The following FOXRED1 variants were observed in gnomAD, a reference collection of about 807,000 sequenced individuals.
FOXRED1 encodes the protein FAD-dependent oxidoreductase domain-containing protein 1.
A neutral mutation model predicts 57.8 loss-of-function variants in FOXRED1; 52 were observed. The observed-to-expected ratio is 0.90, with a 90% CI of 0.72 to 1.13. The LOEUF is 1.13. Ranked by LOEUF, FOXRED1 falls within the 50% of genes most tolerant of loss-of-function variation. The probability of loss-of-function intolerance (pLI) is 0.00; values close to 1 mark genes in which losing one functional copy is unlikely to be tolerated. For missense variants in FOXRED1, 589 were observed against 625.2 expected (o/e 0.94, Z 0.62); for synonymous variants, 271 against 248.3 (o/e 1.09, Z -0.86).
chr11:126,277,453 G>A lies in FOXRED1; in HGVS notation c.1225G>A (p.Gly409Ser), dbSNP rs1036245067. ...CCCGCAGGTTCAGAGCGCCTGGGCCGGCTATTACGACTACAACACCTTTGA... is the reference window on the plus strand; with the variant it reads ...CCCGCAGGTTCAGAGCGCCTGGGCCAGCTATTACGACTACAACACCTTTGA... Reference protein sequence around the residue: ...ETLKVQSAWAGYYDYNTFDQN... With the variant: ...ETLKVQSAWASYYDYNTFDQN... Residue 409 changes from glycine (G) to serine (S), a missense_variant, in exon 11 of 11, where the codon GGC becomes AGC. Physicochemically the swap from Gly to Ser is moderately conservative, Grantham distance 56 (BLOSUM62 0). Coordinates refer to ENST00000263578, the MANE Select transcript of FOXRED1 (RefSeq NM_017547.4). The surrounding 1 kb of genome is among the most constrained non-coding windows in gnomAD (Gnocchi z 6.8). The A allele has an allele frequency of 2.2e-5, 35 of 1,613,048 alleles. No homozygotes were observed. The highest frequency in any genetic ancestry group is 5.3e-5 in the African/African-American group (4 of 74,920).
chr11:126,271,535 G>A lies in FOXRED1; in HGVS notation c.184G>A (p.Glu62Lys), dbSNP rs756464859. 16 of 1,614,082 alleles carry A rather than the reference G, an allele frequency of 9.9e-6. No homozygotes were observed. The highest frequency in any genetic ancestry group is 4.5e-5 in the East Asian group (2 of 44,900). The change falls in exon 2 of 11, where the codon GAG (glutamate) becomes AAG (lysine). Residue 62 changes from glutamate (E) to lysine (K), a missense_variant. Physicochemically the swap from Glu to Lys is moderately conservative, Grantham distance 56 (BLOSUM62 1). Transcript: ENST00000263578. The surrounding 1 kb of genome is among the most constrained non-coding windows in gnomAD (Gnocchi z 5.3). Reference sequence around the variant, plus strand: ...GCAAGACACCAGCCACCTGCCTCCCGAGCACTCGGATGTGGTGATCGTGGG... The same window carrying A: ...GCAAGACACCAGCCACCTGCCTCCCAAGCACTCGGATGTGGTGATCGTGGG... ...LLQDTSHLPP[E>K]HSDVVIVGGG...
At chr11:126,276,947 C>A in intron 9 of FOXRED1, 124 bp from the exon 10 acceptor site, 1 of 745,866 alleles carries the variant, frequency 1.3e-6, no homozygotes. Flanking sequence ...ATATTAGAGC[C>A]CCCTCCAGAT....
rs1476805314 is a variant in FOXRED1 at position 126,271,462 on chromosome 11, TAAG to T, written c.119_121del (p.Lys40del). The T allele has an allele frequency of 2.2e-5, 35 of 1,614,012 alleles. No individual in the cohort carries two copies. Among genetic ancestry groups the T allele is most frequent in the South Asian group, 1.2e-4 (11 of 91,084 alleles). Reference sequence around the variant, plus strand: ...ACTGGGATGGAAAGGTGTCTGAGATTAAGAAGAAGATCAAGTCGATCCTGCCTG... The same window carrying T: ...ACTGGGATGGAAAGGTGTCTGAGATTAAGAAGATCAAGTCGATCCTGCCTG... On this transcript the variant is annotated inframe_deletion, in exon 2 of 11. Coordinates refer to ENST00000263578, the MANE Select transcript of FOXRED1 (RefSeq NM_017547.4). This position sits in a 1 kb window ranked among gnomAD's most constrained non-coding sequence, Gnocchi z 5.3.
At position 126,275,165 on chromosome 11, in the gene FOXRED1, G is replaced by C; in HGVS notation, c.631+144G>C. ...GTCACGGGAACTGCCCTGGGCCGTG[G>C]TAGTTCTCTGTCCTTCATCAGGCTT... is the stretch of plus-strand genomic sequence containing the variant. On this transcript the variant is annotated intron_variant, in intron 5 of 10. Transcript: ENST00000263578. This position sits in a 1 kb window ranked among gnomAD's most constrained non-coding sequence, Gnocchi z 5.9. 1.2e-6 allele frequency: 1 copy of C among 802,508 alleles called. No individual in the cohort carries two copies. Among genetic ancestry groups the C allele is most frequent in the Non-Finnish European group, 2.2e-6 (1 of 462,794 alleles). 49.7% of individuals were successfully genotyped at this position (802,508 alleles called of 1,614,324 possible).
In FOXRED1 at chr11:126,275,465, T is replaced by C. The variant is rs771536102; in HGVS notation, c.733+37T>C. On this transcript the variant is annotated intron_variant, in intron 6 of 10. Coordinates refer to ENST00000263578, the MANE Select transcript of FOXRED1 (RefSeq NM_017547.4). The surrounding 1 kb of genome is among the most constrained non-coding windows in gnomAD (Gnocchi z 5.9). ...CTTGTTTCCTCTAGCAACCGGGGCA[T>C]AGGCCTAGACTAGGTCTTATCTTCT... 7.2e-6 allele frequency: 10 copies of C among 1,396,510 alleles called. No individual in the cohort carries two copies. In the South Asian group the frequency reaches 1.0e-4, roughly 14 times the overall value. 86.5% of individuals were successfully genotyped at this position (1,396,510 alleles called of 1,614,324 possible).
In FOXRED1 at chr11:126,269,301, A is replaced by T. The variant is rs546838613; in HGVS notation, c.85+10A>T. ...GGAGGCTTTTCTCTGGGTAAAGTTG[A>T]GGACGACAGAGGGTATTGTGGTTCT... is the stretch of plus-strand genomic sequence containing the variant. On this transcript the variant is annotated intron_variant, in intron 1 of 10. Transcript: ENST00000263578. The T allele has an allele frequency of 6.2e-7, 1 of 1,614,120 alleles. No individual in the cohort carries two copies. The highest frequency in any genetic ancestry group is 1.7e-5 in the Admixed American group (1 of 60,032).
Position 126,275,607 on chromosome 11 carries a change from A to T in FOXRED1, c.733+179A>T. ...GTTGTGACTTGTGATCTGCTTGATGATTGCACCTGAGCACTGTCCTGTCAG... is the reference window on the plus strand; with the variant it reads ...GTTGTGACTTGTGATCTGCTTGATGTTTGCACCTGAGCACTGTCCTGTCAG... On this transcript the variant is annotated intron_variant, in intron 6 of 10. Coordinates refer to ENST00000263578, the MANE Select transcript of FOXRED1 (RefSeq NM_017547.4). This position sits in a 1 kb window ranked among gnomAD's most constrained non-coding sequence, Gnocchi z 5.9. 1.4e-6 allele frequency: 1 copy of T among 717,706 alleles called. No homozygotes were observed. Among genetic ancestry groups the T allele is most frequent in the Non-Finnish European group, 2.5e-6 (1 of 397,564 alleles). The allele number at this position is 717,706 out of a possible 1,614,324, so 44.5% of individuals were successfully genotyped here.
Position 126,274,837 on chromosome 11 carries a change from C to T in FOXRED1, c.537-90C>T. 6.1e-6 allele frequency: 5 copies of T among 821,046 alleles called. No homozygotes were observed. Among genetic ancestry groups the T allele is most frequent in the Non-Finnish European group, 1.1e-5 (5 of 456,270 alleles). 50.9% of individuals were successfully genotyped at this position (821,046 alleles called of 1,614,324 possible). On this transcript the variant is annotated intron_variant, in intron 4 of 10. Coordinates refer to ENST00000263578, the MANE Select transcript of FOXRED1 (RefSeq NM_017547.4). The surrounding 1 kb of genome is among the most constrained non-coding windows in gnomAD (Gnocchi z 4.8). ...AGAGAAGTGACATGACTGAGCTGGA[C>T]TCCCCACTTGTGGAGTTGGGGTCCA... is the stretch of plus-strand genomic sequence containing the variant.
Position 126,277,446 on chromosome 11 carries a change from C to T in FOXRED1, c.1218C>T (p.Ala406=), listed in dbSNP as rs1951184864. The T allele has an allele frequency of 6.2e-6, 10 of 1,613,044 alleles. No individual in the cohort carries two copies. The East Asian group carries it at 2.2e-4, about 36-fold the overall frequency. The change falls in exon 11 of 11, where the codon GCC becomes GCT. Residue 406 remains alanine (A), a synonymous_variant. Coordinates refer to ENST00000263578, the MANE Select transcript of FOXRED1 (RefSeq NM_017547.4). This position sits in a 1 kb window ranked among gnomAD's most constrained non-coding sequence, Gnocchi z 6.8. ...TTGTGCACCCGCAGGTTCAGAGCGC[C>T]TGGGCCGGCTATTACGACTACAACA... ...PAFETLKVQS[A]WAGYYDYNTF...
At chr11:126,270,210 A>G (rs1950944086) in intron 1 of FOXRED1, among the ~76,000 whole-genome samples, 1 of 152,170 alleles carries the variant, frequency 6.6e-6, no homozygotes, top group Non-Finnish European at 1.5e-5. Flanking sequence ...AGCCATCTAG[A>G]TAGACGGTGT....
rs764036624 is a variant in FOXRED1, at chr11:126,275,311, C to G, written c.632-16C>G. On this transcript the variant is annotated splice_polypyrimidine_tract_variant and intron_variant, in intron 5 of 10. Coordinates refer to ENST00000263578, the MANE Select transcript of FOXRED1 (RefSeq NM_017547.4). This position sits in a 1 kb window ranked among gnomAD's most constrained non-coding sequence, Gnocchi z 5.9. Reference sequence around the variant, plus strand: ...GTCCTCATCCCTCTTTGTGAGTTCTCTTTTTCTTATCACAGGGATGGAGGA... The same window carrying G: ...GTCCTCATCCCTCTTTGTGAGTTCTGTTTTTCTTATCACAGGGATGGAGGA... 6.3e-7 allele frequency: 1 copy of G among 1,583,408 alleles called. No homozygotes were observed. The highest frequency in any genetic ancestry group is 1.1e-5 in the South Asian group (1 of 90,488).
In FOXRED1 at chr11:126,271,564, T is replaced by C. The variant is rs746349006; in HGVS notation, c.213T>C (p.Gly71=). The change falls in exon 2 of 11, where the codon GGT becomes GGC. Residue 71 remains glycine (G), a synonymous_variant. Transcript: ENST00000263578. The surrounding 1 kb of genome is among the most constrained non-coding windows in gnomAD (Gnocchi z 5.3). Reference sequence around the variant, plus strand: ...ACTCGGATGTGGTGATCGTGGGAGGTGGGGTGCTTGGCTTGTCTGTGGCCT... The same window carrying C: ...ACTCGGATGTGGTGATCGTGGGAGGCGGGGTGCTTGGCTTGTCTGTGGCCT... ...PEHSDVVIVG[G]GVLGLSVAYW... 1.9e-6 allele frequency: 3 copies of C among 1,613,678 alleles called. No homozygotes were observed. The highest frequency in any genetic ancestry group is 2.2e-5 in the East Asian group (1 of 44,856).
rs863224018 is a variant in FOXRED1, at chr11:126,273,352, T to C, written c.434T>C (p.Val145Ala). 3 of 1,613,164 alleles carry C rather than the reference T, an allele frequency of 1.9e-6. No individual in the cohort carries two copies. Among genetic ancestry groups the C allele is most frequent in the Non-Finnish European group, 1.7e-6 (2 of 1,179,230 alleles). ...TGCACACAGGAGTACCTGGCCGTAG[T>C]CGATGCTCCTCCCCTGGACCTCCGG... ...LRNINEYLAV[V>A]DAPPLDLRFN... Residue 145 changes from valine to alanine, a missense_variant, in exon 4 of 11, where the codon GTC (valine) becomes GCC (alanine). Coordinates refer to ENST00000263578, the MANE Select transcript of FOXRED1 (RefSeq NM_017547.4). The surrounding 1 kb of genome is among the most constrained non-coding windows in gnomAD (Gnocchi z 5.9).
Position 126,275,274 on chromosome 11 carries a change from C to A in FOXRED1, c.632-53C>A. 7.5e-7 allele frequency: 1 copy of A among 1,328,930 alleles called. No homozygotes were observed. The highest frequency in any genetic ancestry group is 1.1e-6 in the Non-Finnish European group (1 of 920,032). The allele number at this position is 1,328,930 out of a possible 1,614,324, so 82.3% of individuals were successfully genotyped here. On this transcript the variant is annotated intron_variant, in intron 5 of 10. Transcript: ENST00000263578. The surrounding 1 kb of genome is among the most constrained non-coding windows in gnomAD (Gnocchi z 5.9). ...GGTTGGGGGGCACAGGAAATACAAT[C>A]CAAGAGCAGAAGTCCTCATCCCTCT...
At position 126,274,602 on chromosome 11, in the gene FOXRED1, C is replaced by G; in HGVS notation, c.537-325C>G. The G allele has an allele frequency of 5.8e-6, 2 of 342,698 alleles. No individual in the cohort carries two copies. The highest frequency in any genetic ancestry group is 3.8e-5 in the Admixed American group (1 of 26,064). The allele number at this position is 342,698 out of a possible 1,614,324, so 21.2% of individuals were successfully genotyped here. A position where few individuals can be genotyped will look rare whatever the true frequency, so the allele number is the denominator to read the frequency against. On this transcript the variant is annotated intron_variant, in intron 4 of 10. Transcript: ENST00000263578. The surrounding 1 kb of genome is among the most constrained non-coding windows in gnomAD (Gnocchi z 4.8). ...GGAGGAGGTTGCAGTGAGCCAAGAT[C>G]GCGCCACTGCACTCCAGCCTGGGTG... is the stretch of plus-strand genomic sequence containing the variant.
rs1312837486 is a variant in FOXRED1, at chr11:126,275,936, G to A, written c.810+66G>A. 13 of 1,550,090 alleles carry A rather than the reference G, an allele frequency of 8.4e-6. No individual in the cohort carries two copies. In the Admixed American group the frequency reaches 2.0e-4, roughly 24 times the overall value. ...GACAGGGAAGGTAGTGACTCTCCTT[G>A]TTTTGGTTTTCTTTGACCCACTTTC... On this transcript the variant is annotated intron_variant, in intron 7 of 10. Transcript: ENST00000263578. This position sits in a 1 kb window ranked among gnomAD's most constrained non-coding sequence, Gnocchi z 5.9.
In FOXRED1 at chr11:126,277,616, C is replaced by G; in HGVS notation, c.1388C>G (p.Thr463Ser). ...ATGGTACTGAAGGGCAGGTTCCAGACCATCGACCTGAGCCCCTTCCTCTTT... is the reference window on the plus strand; with the variant it reads ...ATGGTACTGAAGGGCAGGTTCCAGAGCATCGACCTGAGCCCCTTCCTCTTT... ...AEMVLKGRFQ[T>S]IDLSPFLFTR... Residue 463 changes from threonine to serine, a missense_variant, in exon 11 of 11, where the codon ACC becomes AGC. Physicochemically the swap from Thr to Ser is moderately conservative, Grantham distance 58 (BLOSUM62 1). Coordinates refer to ENST00000263578, the MANE Select transcript of FOXRED1 (RefSeq NM_017547.4). This position sits in a 1 kb window ranked among gnomAD's most constrained non-coding sequence, Gnocchi z 6.8. The G allele has an allele frequency of 6.2e-7, 1 of 1,613,764 alleles. No individual in the cohort carries two copies. The highest frequency in any genetic ancestry group is 8.5e-7 in the Non-Finnish European group (1 of 1,179,976).
At position 126,276,105 on chromosome 11, in the gene FOXRED1, T is replaced by C. The variant is rs148955548; in HGVS notation, c.857T>C (p.Ile286Thr). Residue 286 changes from isoleucine (I) to threonine (T), a missense_variant, in exon 8 of 11, where the codon ATT (isoleucine) becomes ACT (threonine). Physicochemically the swap from Ile to Thr is moderately conservative, Grantham distance 89. Transcript: ENST00000263578. ...SLEYQPVECA[I>T]VINAAGAWSA... ...GAGTACCAGCCTGTGGAATGCGCCA[T>C]TGTGATCAACGCAGCCGGAGCCTGG... The C allele has an allele frequency of 1.1e-5, 18 of 1,612,718 alleles. No homozygotes were observed. The highest frequency in any genetic ancestry group is 2.2e-5 in the East Asian group (1 of 44,774).
intron 8 of FOXRED1, 44 bp downstream of exon 8, chr11:126,276,263 G>T: frequency 1.3e-6 from 2 of 1,554,244 alleles, no homozygotes. Flanking sequence ...GAGAAAGAAA[G>T]AAATGACATC....
Sources: allele counts gnomAD v4.1 joint callset (sites outside exome capture counted in the v4.1 genomes callset), GRCh38; gene constraint gnomAD v4.1.1; non-coding constraint Gnocchi (gnomAD v3.1); transcripts MANE v1.5; gene names NCBI Gene and HGNC (gene_info 2026-07-23, HGNC 2026-07-21).